MINDY3: variants seen among roughly 807,000 people sequenced by gnomAD.
MINDY3 encodes the protein MINDY lysine 48 deubiquitinase 3, also known as ubiquitin carboxyl-terminal hydrolase MINDY-3.
Under a neutral mutation model 69.2 loss-of-function variants are expected in MINDY3, and 38 were observed. The ratio of observed to expected loss-of-function variants is 0.55; its 90% confidence interval spans 0.42 to 0.72. MINDY3 has a LOEUF of 0.72. MINDY3 is among the 30% of genes least tolerant of loss of function. MINDY3 has a pLI of 0.00. For synonymous variants in MINDY3, 192 were observed against 180.1 expected, an observed-to-expected ratio of 1.07 and a Z score of -0.53; for missense variants, 522 against 519.0, an observed-to-expected ratio of 1.01 and a Z score of -0.06.
At chr10:15,850,171 A>G (rs1234432019) in intron 1 of MINDY3, among the ~76,000 whole-genome samples, 6 of 152,192 alleles carry the variant, frequency 3.9e-5, no homozygotes, top group South Asian at 4.1e-4. Context: ...ATAATTTCCT[A>G]TGCCTGTCTT....
intron 10 of MINDY3, among the ~76,000 whole-genome samples, chr10:15,801,377 A>G (rs1838248750): frequency 6.6e-6 from 1 of 152,140 alleles, no homozygotes; most frequent in Non-Finnish European, 1.5e-5. Context: ...TTGGCTGTAT[A>G]AGAAAGAAGG....
intron 9 of MINDY3, among the ~76,000 whole-genome samples, chr10:15,821,313 C>T (rs557570116): frequency 5.3e-5 from 8 of 152,070 alleles, no homozygotes; most frequent in African/African-American, 1.9e-4. Context: ...GCATATTCTT[C>T]GTTAGGTAAT....
At chr10:15,851,528 G>T (rs965250764) in intron 1 of MINDY3, among the ~76,000 whole-genome samples, 2 of 151,768 alleles carry the variant, frequency 1.3e-5, no homozygotes, top group Admixed American at 1.3e-4. Flanking sequence ...CCATTTCTCT[G>T]GAAAACTCAA....
intron 9 of MINDY3, chr10:15,817,853 C>G (rs978104123): frequency 2.0e-5 from 3 of 152,126 alleles, no homozygotes; most frequent in African/African-American, 4.8e-5. Context: ...GGAATTTATT[C>G]TTATCACTAG....
chr10:15,797,335 C>G (rs1837913748), intron 10 of MINDY3, among the ~76,000 whole-genome samples: 1 of 152,052 alleles, frequency 6.6e-6, no homozygotes, highest in African/African-American at 2.4e-5. Context: ...CATTTTTTAA[C>G]ATTTGTAAAA....
intron 2 of MINDY3, among the ~76,000 whole-genome samples, chr10:15,844,197 A>G (rs1833675812): frequency 6.6e-6 from 1 of 152,198 alleles, no homozygotes; most frequent in African/African-American, 2.4e-5. Context: ...TAAACAATTC[A>G]AGGTGTTACA....
At chr10:15,847,495 C>A in intron 2 of MINDY3, among the ~76,000 whole-genome samples, 1 of 151,968 alleles carries the variant, frequency 6.6e-6, no homozygotes, top group East Asian at 1.9e-4. Flanking sequence ...AGGAAAGTAA[C>A]TTTTACAGAC....
At chr10:15,852,009 A>G (rs1834334491) in intron 1 of MINDY3, among the ~76,000 whole-genome samples, 1 of 151,948 alleles carries the variant, frequency 6.6e-6, no homozygotes, top group South Asian at 2.1e-4. Flanking sequence ...TCTTTCCGCT[A>G]CTCTCCATAT....
chr10:15,790,398 G>T (rs1837320386), intron 11 of MINDY3, among the ~76,000 whole-genome samples: 1 of 152,078 alleles, frequency 6.6e-6, no homozygotes, highest in South Asian at 2.1e-4. Flanking sequence ...GAAGGGTTTA[G>T]AGTAATTCCA....
intron 10 of MINDY3, among the ~76,000 whole-genome samples, chr10:15,810,848 AC>A (rs1838951126): frequency 6.6e-6 from 1 of 152,162 alleles, no homozygotes; most frequent in Admixed American, 6.5e-5. Context: ...TAACTCAATA[AC>A]AAAAAGACAA....
chr10:15,781,167 G>C (rs1836499031), intron 14 of MINDY3, among the ~76,000 whole-genome samples: 1 of 151,840 alleles, frequency 6.6e-6, no homozygotes, highest in African/African-American at 2.4e-5. Flanking sequence ...AAATTTGGAT[G>C]CTGTATATAT....
Position 15,837,189 on chromosome 10 carries a change from T to C in MINDY3, c.576+15A>G, listed in dbSNP as rs1267331658. On this transcript the variant is annotated intron_variant, in intron 6 of 14. Coordinates refer to ENST00000277632, the MANE Select transcript of MINDY3 (RefSeq NM_024948.4). Reference sequence around the variant, plus strand: ...ACATTAATCAAAGGCAGAAAAATCATCTTCTTGAACACACCTTTGTCAGTA... The same window carrying C: ...ACATTAATCAAAGGCAGAAAAATCACCTTCTTGAACACACCTTTGTCAGTA... 5 of 1,457,848 alleles carry C rather than the reference T, an allele frequency of 3.4e-6. No homozygotes were observed. The highest frequency in any genetic ancestry group is 4.7e-6 in the Non-Finnish European group (5 of 1,059,362). 90.3% of individuals were successfully genotyped at this position (1,457,848 alleles called of 1,614,324 possible).
rs1387398271 is a variant in MINDY3 at position 15,778,590 on chromosome 10, C to T, written c.*402G>A. On this transcript the variant is annotated 3_prime_UTR_variant, in exon 15 of 15. Transcript: ENST00000277632. ...TTTCATTGTAGAGGCTGATATATTA[C>T]AAGCCGGAATCATTCAAACAATAAA... The T allele has an allele frequency of 6.5e-6, 1 of 154,654 alleles. No individual in the cohort carries two copies. The highest frequency in any genetic ancestry group is 1.4e-5 in the Non-Finnish European group (1 of 69,794). The allele number at this position is 154,654 out of a possible 1,614,324, so 9.6% of individuals were successfully genotyped here.
At chr10:15,821,610 G>A (rs1377925512) in intron 9 of MINDY3, 46 bp downstream of exon 9, 3 of 1,412,616 alleles carry the variant, frequency 2.1e-6, no homozygotes, top group Non-Finnish European at 2.0e-6. Flanking sequence ...CACAATAGTG[G>A]ACATCTAAAC....
At chr10:15,858,829 T>C (rs926580645) in intron 1 of MINDY3, among the ~76,000 whole-genome samples, 39 of 152,316 alleles carry the variant, frequency 2.6e-4, no homozygotes, top group African/African-American at 9.1e-4. Context: ...TTTCACAGTA[T>C]TTTAGAGCTG....
chr10:15,823,405 T>C (rs1457410171), intron 8 of MINDY3, among the ~76,000 whole-genome samples: 4 of 152,190 alleles, frequency 2.6e-5, no homozygotes, highest in African/African-American at 9.6e-5. Flanking sequence ...TGATCTGTTA[T>C]ATTGTATCAG....
chr10:15,850,623 CA>C (rs1239288618), intron 1 of MINDY3, among the ~76,000 whole-genome samples: 1 of 152,124 alleles, frequency 6.6e-6, no homozygotes, highest in Non-Finnish European at 1.5e-5. Context: ...AAATTTTAGT[CA>C]GACCGGTTGT....
chr10:15,823,966 C>CAAAT (rs1371100684), intron 8 of MINDY3, among the ~76,000 whole-genome samples: 1 of 152,150 alleles, frequency 6.6e-6, no homozygotes, highest in Non-Finnish European at 1.5e-5. Flanking sequence ...ACGTATACTG[C>CAAAT]AAATAACAGG....
intron 1 of MINDY3, among the ~76,000 whole-genome samples, chr10:15,848,733 C>T (rs115741881): frequency 0.014 from 2,172 of 150,062 alleles, 44 homozygotes; most frequent in African/African-American, 0.048. Flanking sequence ...TTAAATATTA[C>T]CCAACCAGCA....
Sources: gnomAD v4.1 joint callset for allele counts (sites outside exome capture counted in the v4.1 genomes callset) on GRCh38, gnomAD v4.1.1 for gene constraint, MANE v1.5 for transcripts, NCBI Gene and HGNC (gene_info 2026-07-23, HGNC 2026-07-21) for gene names.